The following WASHC5 variants were observed in gnomAD, a reference collection of about 807,000 sequenced individuals.
The protein encoded by WASHC5 is WASH complex subunit strumpellin.
WASHC5 carries 101 observed loss-of-function variants against 150.4 expected under a neutral mutation model. The observed-to-expected ratio is 0.67, with a 90% CI of 0.57 to 0.79. The LOEUF is 0.79. Among genes scored for constraint, WASHC5 ranks in the 30% least tolerant of loss-of-function variants. The probability of loss-of-function intolerance (pLI) is 0.00; values close to 1 mark genes in which losing one functional copy is unlikely to be tolerated. For missense variants in WASHC5, 1,195 were observed against 1,396.3 expected, an observed-to-expected ratio of 0.86 and a Z score of 2.30; for synonymous variants, 467 against 491.2, an observed-to-expected ratio of 0.95 and a Z score of 0.65.
At chr8:125,034,747 A>C (rs1361548133) in intron 26 of WASHC5, among the ~76,000 whole-genome samples, 1 of 152,160 alleles carries the variant, frequency 6.6e-6, no homozygotes, top group Non-Finnish European at 1.5e-5. Flanking sequence ...ATCCTGAATA[A>C]CCTAACCTAG....
In WASHC5 at chr8:125,028,604, A is replaced by T; in HGVS notation, c.3423+16T>A. The T allele has an allele frequency of 1.3e-6, 2 of 1,548,890 alleles. No individual in the cohort carries two copies. Among genetic ancestry groups the T allele is most frequent in the Non-Finnish European group, 8.9e-7 (1 of 1,120,714 alleles). On this transcript the variant is annotated intron_variant, in intron 28 of 28. Transcript: ENST00000318410. Reference sequence around the variant, plus strand: ...TTTACAACTATTAATATTGTTCTTTACTATCTATCACTTACCCTCCTGGGT... The same window carrying T: ...TTTACAACTATTAATATTGTTCTTTTCTATCTATCACTTACCCTCCTGGGT...
At chr8:125,089,633 A>G (rs926354366) in intron 1 of WASHC5, among the ~76,000 whole-genome samples, 4 of 152,182 alleles carry the variant, frequency 2.6e-5, no homozygotes, top group African/African-American at 9.7e-5. Context: ...AAAGCAAAGT[A>G]ACATTACTTG....
At chr8:125,035,319 GC>G (rs1815668302) in intron 26 of WASHC5, among the ~76,000 whole-genome samples, 1 of 151,974 alleles carries the variant, frequency 6.6e-6, no homozygotes, top group Non-Finnish European at 1.5e-5. Context: ...AAGGTGCCAG[GC>G]CCTAATCATA....
intron 5 of WASHC5, among the ~76,000 whole-genome samples, chr8:125,081,128 A>T (rs1312311725): frequency 6.6e-6 from 1 of 152,008 alleles, no homozygotes; most frequent in African/African-American, 2.4e-5. Context: ...ATAATCTATA[A>T]TATATAGAAT....
intron 3 of WASHC5, chr8:125,082,828 T>C (rs1281057492): frequency 8.3e-6 from 3 of 362,556 alleles, no homozygotes; most frequent in Non-Finnish European, 1.5e-5. Flanking sequence ...TTTTCCCACT[T>C]TTCACATATA....
At chr8:125,076,267 C>T (rs748434160) in intron 7 of WASHC5, 81 bp downstream of exon 7, 16 of 1,302,798 alleles carry the variant, frequency 1.2e-5, no homozygotes, top group South Asian at 4.8e-5. Flanking sequence ...AACATTACAA[C>T]CTGTGGGTTA....
At position 125,044,641 on chromosome 8, in the gene WASHC5, T is replaced by C; in HGVS notation, c.2562A>G (p.Glu854=). The C allele has an allele frequency of 1.9e-6, 3 of 1,614,134 alleles. No individual in the cohort carries two copies. Among genetic ancestry groups the C allele is most frequent in the Non-Finnish European group, 2.5e-6 (3 of 1,179,958 alleles). ...NTWYDMKTHQ[E]VTSSRLFSEI... is the part of the protein sequence containing the mutation. ...CTGAGAAGAGGCGGCTGCTGGTCACTTCCTGATGAGTTTTCATATCATACC... is the reference window on the plus strand; with the variant it reads ...CTGAGAAGAGGCGGCTGCTGGTCACCTCCTGATGAGTTTTCATATCATACC... The change falls in exon 21 of 29, where the codon GAA becomes GAG. Residue 854 remains glutamate, a synonymous_variant. Coordinates refer to ENST00000318410, the MANE Select transcript of WASHC5 (RefSeq NM_014846.4).
chr8:125,067,784 A>G (rs1303919526), intron 9 of WASHC5, 65 bp from the exon 10 acceptor site: 1 of 1,515,800 alleles, frequency 6.6e-7, no homozygotes, highest in African/African-American at 1.4e-5. Flanking sequence ...AATAAGATAA[A>G]TTATTAAATA....
Position 125,087,730 on chromosome 8 carries a change from C to CA in WASHC5, c.-124-3709dup, listed in dbSNP as rs35178691. On this transcript the variant is annotated intron_variant, in intron 1 of 28. Coordinates refer to ENST00000318410, the MANE Select transcript of WASHC5 (RefSeq NM_014846.4). The stretch of plus-strand genomic sequence containing the variant: ...CCTGGGTGACAATGAGACCCTCTCT[C>CA]AAAAAAAAAAAAAAAAAAAAATTTT... Among the ~76,000 whole-genome samples, 458 of 91,186 alleles carry CA rather than the reference C, an allele frequency of 5.0e-3. 4 individuals are homozygous for CA. The highest frequency in any genetic ancestry group is 7.7e-3 in the Non-Finnish European group (302 of 38,968). The allele number at this position is 91,186 out of a possible 152,430, so 59.8% of individuals were successfully genotyped here.
At chr8:125,090,756 A>G (rs946124131) in intron 1 of WASHC5, among the ~76,000 whole-genome samples, 1 of 152,246 alleles carries the variant, frequency 6.6e-6, no homozygotes, top group African/African-American at 2.4e-5. Context: ...AAAAGAAGGC[A>G]GGTCTATTTT....
rs1816453360 is a variant in WASHC5 at position 125,057,684 on chromosome 8, T to C, written c.1765-18A>G. ...GAGGCAAGCTGGAAGAAAAATAAGG[T>C]ATATCTGTTTCTTGTTTCAAAAAGA... On this transcript the variant is annotated intron_variant, in intron 14 of 28. Coordinates refer to ENST00000318410, the MANE Select transcript of WASHC5 (RefSeq NM_014846.4). 1 of 1,452,232 alleles carries C rather than the reference T, an allele frequency of 6.9e-7. No individual in the cohort carries two copies. The highest frequency in any genetic ancestry group is 2.3e-5 in the East Asian group (1 of 44,188). The allele number at this position is 1,452,232 out of a possible 1,614,324, so 90.0% of individuals were successfully genotyped here.
intron 26 of WASHC5, chr8:125,032,720 T>G (rs1815577947): frequency 2.8e-6 from 1 of 352,256 alleles, no homozygotes; most frequent in Non-Finnish European, 5.4e-6. Flanking sequence ...AAAAAATCAC[T>G]ACAACTGACT....
intron 2 of WASHC5, 92 bp downstream of exon 2, chr8:125,083,621 T>C: frequency 3.9e-6 from 4 of 1,022,576 alleles, no homozygotes; most frequent in Non-Finnish European, 2.9e-6. Flanking sequence ...GCTTTTTCCA[T>C]AATTCCTTAA....
At chr8:125,065,143 A>G (rs916897651) in intron 10 of WASHC5, among the ~76,000 whole-genome samples, 64 of 152,194 alleles carry the variant, frequency 4.2e-4, no homozygotes, top group African/African-American at 1.5e-3. Context: ...GAATTAGGAA[A>G]TGTGCTGTCA....
intron 26 of WASHC5, chr8:125,032,693 A>G: frequency 2.5e-6 from 1 of 395,282 alleles, no homozygotes. Flanking sequence ...AAAGATACAG[A>G]TAAATGTAAA....
intron 8 of WASHC5, among the ~76,000 whole-genome samples, chr8:125,074,797 T>C (rs569226019): frequency 6.6e-6 from 1 of 152,202 alleles, no homozygotes; most frequent in Admixed American, 6.5e-5. Flanking sequence ...GGGATCCTAA[T>C]CTTCAATTTA....
intron 20 of WASHC5, among the ~76,000 whole-genome samples, chr8:125,046,556 C>T (rs898793279): frequency 1.3e-5 from 2 of 152,150 alleles, no homozygotes; most frequent in African/African-American, 2.4e-5. Flanking sequence ...CTGGGTCCGT[C>T]ATTTATTAAC....
intron 1 of WASHC5, among the ~76,000 whole-genome samples, chr8:125,089,940 T>A (rs1817550058): frequency 6.6e-6 from 1 of 152,120 alleles, no homozygotes; most frequent in Non-Finnish European, 1.5e-5. Flanking sequence ...TTATATTAAA[T>A]TTTTAATGCA....
chr8:125,036,961 TGAGACCA>T, intron 26 of WASHC5, among the ~76,000 whole-genome samples: 1 of 152,022 alleles, frequency 6.6e-6, no homozygotes, highest in Admixed American at 6.6e-5. Flanking sequence ...TGCAGTGAGC[TGAGACCA>T]CGCCATCGCG....
Sources: allele counts gnomAD v4.1 joint callset (sites outside exome capture counted in the v4.1 genomes callset), GRCh38; gene constraint gnomAD v4.1.1; transcripts MANE v1.5; gene names NCBI Gene and HGNC (gene_info 2026-07-23, HGNC 2026-07-21).